The following CTNNA3 variants were observed in gnomAD, a reference collection of about 807,000 sequenced individuals.
CTNNA3 encodes the protein catenin alpha 3.
A neutral mutation model predicts 95.7 loss-of-function variants in CTNNA3; 76 were observed. The ratio of observed to expected loss-of-function variants is 0.79; its 90% CI spans 0.66 to 0.96. The LOEUF is 0.96. Ranked by LOEUF, CTNNA3 falls within the 40% of genes least tolerant of loss-of-function variation. CTNNA3 has a pLI of 0.00. For synonymous variants in CTNNA3, 431 were observed against 374.4 expected (o/e 1.15, Z -1.74); for missense variants, 1,191 against 1,089.8 (o/e 1.09, Z -1.31).
At chr10:66,747,166 A>T (rs1838916483) in intron 9 of CTNNA3, among the ~76,000 whole-genome samples, 1 of 152,222 alleles carries the variant, frequency 6.6e-6, no homozygotes, top group Non-Finnish European at 1.5e-5. Context: ...TTTCACTTAA[A>T]TGTTGCTTAC....
intron 5 of CTNNA3, among the ~76,000 whole-genome samples, chr10:67,457,374 GAAGGCC>G (rs1197392730): frequency 6.6e-6 from 1 of 152,182 alleles, no homozygotes; most frequent in Admixed American, 6.5e-5. Context: ...AGTAACAGTG[GAAGGCC>G]ACACACTAAA....
At chr10:66,026,538 T>C (rs980816516) in intron 15 of CTNNA3, among the ~76,000 whole-genome samples, 2 of 152,176 alleles carry the variant, frequency 1.3e-5, no homozygotes, top group African/African-American at 4.8e-5. Context: ...TGACTTCAAA[T>C]GACACATAAA....
intron 5 of CTNNA3, among the ~76,000 whole-genome samples, chr10:67,484,921 GAACTTAA>G (rs1358335830): frequency 6.6e-6 from 1 of 152,178 alleles, no homozygotes; most frequent in Non-Finnish European, 1.5e-5. Flanking sequence ...ATTTCTGAAA[GAACTTAA>G]AACAGGACTA....
intron 7 of CTNNA3, among the ~76,000 whole-genome samples, chr10:66,891,713 G>T (rs1845275966): frequency 6.6e-6 from 1 of 152,202 alleles, no homozygotes; most frequent in African/African-American, 2.4e-5. Flanking sequence ...ACGAGAGAAT[G>T]AGAGAGACTT....
At chr10:67,597,074 T>G (rs1042224192) in intron 3 of CTNNA3, among the ~76,000 whole-genome samples, 3 of 152,232 alleles carry the variant, frequency 2.0e-5, no homozygotes, top group Non-Finnish European at 2.9e-5. Flanking sequence ...TCCAGTTATA[T>G]TACAAAATTC....
At chr10:66,487,181 ATTTTTTTTTTTTTTTT>A (rs60547696) in intron 11 of CTNNA3, among the ~76,000 whole-genome samples, 154 of 45,986 alleles carry the variant, frequency 3.3e-3, no homozygotes, top group African/African-American at 0.011. Context: ...AAAAGGGCAG[ATTTTTTTTTTTTTTTT>A]TTTTTTTTTT....
chr10:67,108,349 G>A (rs1858760411), intron 7 of CTNNA3, among the ~76,000 whole-genome samples: 1 of 152,024 alleles, frequency 6.6e-6, no homozygotes, highest in Non-Finnish European at 1.5e-5. Flanking sequence ...GGACAATTAA[G>A]TTACAGTTAC....
chr10:66,808,229 A>T (rs994551953), intron 7 of CTNNA3, among the ~76,000 whole-genome samples: 9 of 152,158 alleles, frequency 5.9e-5, no homozygotes, highest in Admixed American at 5.2e-4. Flanking sequence ...AGCTGCATCC[A>T]AAGATGTATA....
At position 66,318,281 on chromosome 10, in the gene CTNNA3, T is replaced by TGTGTGTGC. The variant is rs1440638117; in HGVS notation, c.1733-37661_1733-37660insGCACACAC. 1.0e-3 allele frequency among the ~76,000 whole-genome samples: 153 copies of TGTGTGTGC among 146,632 alleles called. 3 individuals are homozygous for TGTGTGTGC. The highest frequency in any genetic ancestry group is 3.2e-3 in the Admixed American group (46 of 14,560). On this transcript the variant is annotated intron_variant, in intron 12 of 17. Transcript: ENST00000433211. ...TGGGAGATATATATATATATATGTG[T>TGTGTGTGC]GTGTGTGTGTGTGTGTGTGTGTGTG...
Position 66,069,465 on chromosome 10 carries a change from C to T in CTNNA3, c.2002G>A (p.Ala668Thr), listed in dbSNP as rs777560851. ...DRAKMTQLPE[A>T]EKEKIAEQVA... is the part of the protein sequence containing the mutation. ...TGCTCAGCAATCTTTTCTTTTTCTG[C>T]CTCAGGCAGTTGAGTCATCTTAGCC... is the stretch of plus-strand genomic sequence containing the variant. The change falls in exon 15 of 18, where the codon GCA (alanine) becomes ACA (threonine). Residue 668 changes from alanine to threonine, a missense_variant. By Grantham distance (58) the Ala-to-Thr change is moderately conservative. Coordinates refer to ENST00000433211, the MANE Select transcript of CTNNA3 (RefSeq NM_013266.4). The T allele has an allele frequency of 1.2e-6, 2 of 1,612,450 alleles. No individual in the cohort carries two copies. The highest frequency in any genetic ancestry group is 3.3e-5 in the Admixed American group (2 of 59,814).
chr10:66,597,552 A>ATATTTATT lies in CTNNA3; in HGVS notation c.1374+24132_1374+24139dup, dbSNP rs1554822934. On this transcript the variant is annotated intron_variant, in intron 10 of 17. Coordinates refer to ENST00000433211, the MANE Select transcript of CTNNA3 (RefSeq NM_013266.4). ...TATATATATATATATATATATATAT[A>ATATTTATT]TATTTATTAAAAATTTTAAAAATAA... 6.9e-5 allele frequency among the ~76,000 whole-genome samples: 9 copies of ATATTTATT among 130,522 alleles called. No homozygotes were observed. The South Asian group carries it at 2.2e-3, about 32-fold the overall frequency. 85.6% of individuals were successfully genotyped at this position (130,522 alleles called of 152,430 possible).
chr10:66,764,632 T>G (rs1428537899), intron 9 of CTNNA3, among the ~76,000 whole-genome samples: 5 of 152,300 alleles, frequency 3.3e-5, no homozygotes, highest in Non-Finnish European at 2.9e-5. Context: ...GTTGTTTTCA[T>G]AATTTGGTGT....
At chr10:67,714,058 C>G (rs1404915521) in intron 1 of CTNNA3, among the ~76,000 whole-genome samples, 1 of 152,168 alleles carries the variant, frequency 6.6e-6, no homozygotes, top group Non-Finnish European at 1.5e-5. Context: ...AGGGGCAGGG[C>G]TCTCATGGAG....
At chr10:67,564,658 C>CAT (rs1167315190) in intron 3 of CTNNA3, among the ~76,000 whole-genome samples, 11 of 72,294 alleles carry the variant, frequency 1.5e-4, no homozygotes, top group African/African-American at 6.7e-4. Flanking sequence ...TATATATATG[C>CAT]ATATATGTGT....
At chr10:66,024,689 C>T (rs1337758643) in intron 15 of CTNNA3, among the ~76,000 whole-genome samples, 1 of 152,170 alleles carries the variant, frequency 6.6e-6, no homozygotes, top group Admixed American at 6.5e-5. Flanking sequence ...AGAAATGGAA[C>T]ATAGGCTTTC....
chr10:67,613,648 C>T (rs758433329), intron 2 of CTNNA3, among the ~76,000 whole-genome samples: 3 of 152,070 alleles, frequency 2.0e-5, no homozygotes, highest in Non-Finnish European at 2.9e-5. Context: ...AACAAAGACA[C>T]GTTACATAAT....
chr10:66,373,601 T>TAA (rs34263718), intron 12 of CTNNA3, among the ~76,000 whole-genome samples: 19,596 of 148,284 alleles, frequency 0.13, 1,740 homozygotes, highest in African/African-American at 0.23. Context: ...CTAATTGTGT[T>TAA]AAAAAAAAAA....
chr10:66,347,841 A>G (rs2092536197), intron 12 of CTNNA3, among the ~76,000 whole-genome samples: 2 of 152,028 alleles, frequency 1.3e-5, no homozygotes, highest in African/African-American at 4.8e-5. Flanking sequence ...GAATGAGACT[A>G]CCCATCATGT....
intron 7 of CTNNA3, among the ~76,000 whole-genome samples, chr10:66,948,069 G>T (rs1428784557): frequency 6.6e-6 from 1 of 152,156 alleles, no homozygotes; most frequent in Non-Finnish European, 1.5e-5. Flanking sequence ...TCTAAACATA[G>T]AAAAGGTAGG....
Sources: allele counts gnomAD v4.1 joint callset (sites outside exome capture counted in the v4.1 genomes callset), GRCh38; gene constraint gnomAD v4.1.1; transcripts MANE v1.5; gene names NCBI Gene and HGNC (gene_info 2026-07-23, HGNC 2026-07-21).